WLS: variants seen among roughly 807,000 people sequenced by gnomAD.
WLS encodes protein wntless homolog.
A neutral mutation model predicts 62.8 loss-of-function variants in WLS; 23 were observed. The ratio of observed to expected loss-of-function variants is 0.37; its 90% CI spans 0.26 to 0.52. WLS has a LOEUF of 0.52. Among genes scored for constraint, WLS ranks in the 20% least tolerant of loss-of-function variants. WLS has a pLI of 0.92. For synonymous variants in WLS, 246 were observed against 244.1 expected, an observed-to-expected ratio of 1.01 and a Z score of -0.07; for missense variants, 615 against 697.3, an observed-to-expected ratio of 0.88 and a Z score of 1.33.
intron 2 of WLS, chr1:68,163,238 A>G: frequency 1.8e-6 from 1 of 559,810 alleles, no homozygotes; most frequent in Non-Finnish European, 3.1e-6. Context: ...ATAAATCTAT[A>G]GTTCACACGA....
At chr1:68,186,757 T>C (rs1165042716) in intron 2 of WLS, 4 of 442,908 alleles carry the variant, frequency 9.0e-6, no homozygotes, top group Non-Finnish European at 1.4e-5. Flanking sequence ...GTGCCTGTTA[T>C]ACTAAAACAT....
intron 11 of WLS, among the ~76,000 whole-genome samples, chr1:68,108,377 A>G (rs1470942615): frequency 6.6e-6 from 1 of 152,218 alleles, no homozygotes; most frequent in Admixed American, 6.5e-5. Flanking sequence ...AAAAGCAGGA[A>G]TAATGTTTAT....
At chr1:68,163,247 G>A (rs1486043507) in intron 2 of WLS, among the ~76,000 whole-genome samples, 2 of 152,202 alleles carry the variant, frequency 1.3e-5, no homozygotes, top group East Asian at 1.9e-4. Flanking sequence ...TAGTTCACAC[G>A]ATGGGCTGTC....
chr1:68,115,371 G>T (rs1406324214), intron 11 of WLS, among the ~76,000 whole-genome samples: 1 of 152,232 alleles, frequency 6.6e-6, no homozygotes, highest in Non-Finnish European at 1.5e-5. Context: ...CCTGCTTCTT[G>T]GGATGACACT....
At chr1:68,126,664 ATCT>A (rs573703111) in intron 11 of WLS, among the ~76,000 whole-genome samples, 181 of 152,256 alleles carry the variant, frequency 1.2e-3, no homozygotes, top group Non-Finnish European at 2.1e-3. Flanking sequence ...TTTGTAAGTG[ATCT>A]TCTTTAATCC....
chr1:68,108,059 TG>T (rs1194541091), intron 11 of WLS, among the ~76,000 whole-genome samples: 1 of 152,174 alleles, frequency 6.6e-6, no homozygotes, highest in Non-Finnish European at 1.5e-5. Context: ...GTCTTTAAAA[TG>T]GGGACCACAA....
In WLS at chr1:68,126,342, C is replaced by T; in HGVS notation, c.1517-7G>A. 1.2e-6 allele frequency: 2 copies of T among 1,613,960 alleles called. No individual in the cohort carries two copies. The highest frequency in any genetic ancestry group is 1.1e-5 in the South Asian group (1 of 91,066). On this transcript the variant is annotated splice_polypyrimidine_tract_variant and splice_region_variant and intron_variant, in intron 11 of 11. Transcript: ENST00000262348. ...CTATGGACACCCAGATCGCCTGAAA[C>T]AGGGTTTTCGGTGTTAGATGCATTC...
intron 2 of WLS, among the ~76,000 whole-genome samples, chr1:68,177,645 C>G (rs776071870): frequency 1.3e-5 from 2 of 152,120 alleles, no homozygotes; most frequent in Non-Finnish European, 2.9e-5. Flanking sequence ...AGGGGCACAC[C>G]ACCACATCCT....
At chr1:68,121,883 T>C (rs180736798), downstream of WLS, among the ~76,000 whole-genome samples, 59 of 152,318 alleles carry the variant, frequency 3.9e-4, no homozygotes, top group South Asian at 2.3e-3. Context: ...TGTGTATATT[T>C]TCTTTGGAGG....
At chr1:68,113,891 C>T (rs1052677417) in intron 11 of WLS, among the ~76,000 whole-genome samples, 1 of 152,212 alleles carries the variant, frequency 6.6e-6, no homozygotes, top group African/African-American at 2.4e-5. Context: ...GAGTACATCC[C>T]ATGCCTCAGA....
At chr1:68,100,762 A>C (rs1646066668) in intron 11 of WLS, 1 of 152,118 alleles carries the variant, frequency 6.6e-6, no homozygotes, top group African/African-American at 2.4e-5. Flanking sequence ...AACAGGACCC[A>C]AGGTCATGCC....
At chr1:68,129,444 A>C (rs891907702) in intron 11 of WLS, among the ~76,000 whole-genome samples, 1 of 152,254 alleles carries the variant, frequency 6.6e-6, no homozygotes, top group Non-Finnish European at 1.5e-5. Flanking sequence ...GAGCTGTTAT[A>C]AATTTATGAG....
chr1:68,213,439 G>A (rs930704446), intron 1 of WLS, among the ~76,000 whole-genome samples: 11 of 110,384 alleles, frequency 1.0e-4, no homozygotes, highest in African/African-American at 3.2e-4. Context: ...CAACAAGAGC[G>A]AAACTTCATT....
At chr1:68,106,716 C>CTGTGTGTGTGTGTGTGTGTGTGTG (rs59601112) in intron 11 of WLS, among the ~76,000 whole-genome samples, 8 of 146,712 alleles carry the variant, frequency 5.5e-5, no homozygotes, top group African/African-American at 1.5e-4. Context: ...GTGTTTGTCA[C>CTGTGTGTGTGTGTGTGTGTGTGTG]TGTGTGTGTG....
downstream of WLS, among the ~76,000 whole-genome samples, chr1:68,124,498 TAAG>T (rs1479292480): frequency 6.6e-6 from 1 of 152,134 alleles, no homozygotes; most frequent in Non-Finnish European, 1.5e-5. Context: ...CTTTCTCCTT[TAAG>T]GTCTATCTAA....
intron 2 of WLS, among the ~76,000 whole-genome samples, chr1:68,180,710 G>A (rs567006363): frequency 3.6e-4 from 54 of 151,594 alleles, no homozygotes; most frequent in African/African-American, 1.3e-3. Context: ...ACTAGTGATG[G>A]CCCCCTGGTG....
intron 1 of WLS, among the ~76,000 whole-genome samples, chr1:68,219,870 A>G (rs1316210127): frequency 6.6e-6 from 1 of 152,184 alleles, no homozygotes; most frequent in East Asian, 1.9e-4. Flanking sequence ...CATTCACGTT[A>G]TTATCTAGAA....
chr1:68,224,169 C>A (rs536789736), intron 1 of WLS, among the ~76,000 whole-genome samples: 45 of 152,212 alleles, frequency 3.0e-4, no homozygotes, highest in African/African-American at 1.1e-3. Context: ...AGAAAGAATA[C>A]CCCTTGGCCA....
downstream of WLS, among the ~76,000 whole-genome samples, chr1:68,120,760 T>C (rs1242395355): frequency 3.9e-5 from 6 of 152,032 alleles, no homozygotes; most frequent in Admixed American, 3.3e-4. Context: ...GAGAGCTTGA[T>C]AAAGGAGAGA....
Sources: allele counts gnomAD v4.1 joint callset (sites outside exome capture counted in the v4.1 genomes callset), GRCh38; gene constraint gnomAD v4.1.1; transcripts MANE v1.5; gene names NCBI Gene and HGNC (gene_info 2026-07-23, HGNC 2026-07-21).